The following PCDHGA2 variants were observed in gnomAD, a reference collection of about 807,000 sequenced individuals.
PCDHGA2 encodes protocadherin gamma-A2.
In PCDHGA2, 40 loss-of-function variants were observed where a neutral mutation model predicts 59.2. The observed-to-expected ratio is 0.68, with a 90% confidence interval of 0.52 to 0.88. PCDHGA2 has a LOEUF of 0.88. PCDHGA2 is among the 40% of genes least tolerant of loss of function. The probability of loss-of-function intolerance (pLI) is 0.00; values close to 1 mark genes in which losing one functional copy is unlikely to be tolerated. For missense variants in PCDHGA2, 1,226 were observed against 1,204.0 expected (o/e 1.02, Z -0.27); for synonymous variants, 560 against 526.0 (o/e 1.06, Z -0.89).
Position 141,476,977 on chromosome 5 carries a change from C to A in PCDHGA2, c.2425-17830C>A, listed in dbSNP as rs141692339. On this transcript the variant is annotated intron_variant, in intron 1 of 3. Coordinates refer to ENST00000394576, the MANE Select transcript of PCDHGA2 (RefSeq NM_018915.4). The surrounding 1 kb of genome is among the most constrained non-coding windows in gnomAD (Gnocchi z 7.6). The stretch of plus-strand genomic sequence containing the variant: ...TTATTTACTCCTTCGGCAGCCACAA[C>A]CGCGCCGGCGTGCGGCAACTATTCG... 6.2e-7 allele frequency: 1 copy of A among 1,614,232 alleles called. No individual in the cohort carries two copies. The highest frequency in any genetic ancestry group is 8.5e-7 in the Non-Finnish European group (1 of 1,180,040).
At chr5:141,417,699 C>A (rs2096148616) in intron 1 of PCDHGA2, 1 of 1,164,548 alleles carries the variant, frequency 8.6e-7, no homozygotes, top group Non-Finnish European at 1.2e-6. Context: ...AACCAGCTCC[C>A]ACACAGAGGC....
intron 1 of PCDHGA2, among the ~76,000 whole-genome samples, chr5:141,452,988 T>C (rs2098753680): frequency 6.6e-6 from 1 of 152,228 alleles, no homozygotes; most frequent in Admixed American, 6.5e-5. Context: ...AGTACTGTGC[T>C]GAAAAGTTAC....
At chr5:141,357,201 C>A in intron 1 of PCDHGA2, 1 of 1,613,844 alleles carries the variant, frequency 6.2e-7, no homozygotes, top group Non-Finnish European at 8.5e-7. Context: ...TGGCCGACAG[C>A]ATCCCAGATG....
rs2095058812 is a variant in PCDHGA2 at position 141,408,208 on chromosome 5, A to T, written c.2424+66813A>T. ...AGCGAGAACCCGAGCGAACGATGGGAGGGAGCTGCGCGCAGAGGCGCCGGG... is the reference window on the plus strand; with the variant it reads ...AGCGAGAACCCGAGCGAACGATGGGTGGGAGCTGCGCGCAGAGGCGCCGGG... On this transcript the variant is annotated intron_variant, in intron 1 of 3. Transcript: ENST00000394576. The T allele has an allele frequency of 1.9e-6, 3 of 1,553,236 alleles. No homozygotes were observed. The East Asian group carries it at 7.3e-5, about 38-fold the overall frequency.
intron 1 of PCDHGA2, chr5:141,390,232 C>A: frequency 6.2e-7 from 1 of 1,614,020 alleles, no homozygotes. Context: ...GGTGATTCAT[C>A]TGGGGCCTTA....
Position 141,475,971 on chromosome 5 carries a change from C to G in PCDHGA2, c.2425-18836C>G, listed in dbSNP as rs750016455. On this transcript the variant is annotated intron_variant, in intron 1 of 3. Coordinates refer to ENST00000394576, the MANE Select transcript of PCDHGA2 (RefSeq NM_018915.4). The stretch of plus-strand genomic sequence containing the variant: ...TCTGCGCCCCGGGATGAGGCAGAGA[C>G]TGAACAGCCGGCGAGCAAATCAACG... 2.5e-5 allele frequency: 24 copies of G among 954,292 alleles called. No individual in the cohort carries two copies. In the African/African-American group the frequency reaches 3.4e-4, roughly 14 times the overall value. 59.1% of individuals were successfully genotyped at this position (954,292 alleles called of 1,614,324 possible). A position where few individuals can be genotyped will look rare whatever the true frequency, so the allele number is the denominator to read the frequency against.
At chr5:141,365,131 G>A (rs751303366) in intron 1 of PCDHGA2, 2 of 1,613,854 alleles carry the variant, frequency 1.2e-6, no homozygotes, top group East Asian at 2.2e-5. Flanking sequence ...TAACCGCCAC[G>A]GATCCAGATG....
intron 1 of PCDHGA2, among the ~76,000 whole-genome samples, chr5:141,373,661 A>T (rs766983811): frequency 6.6e-6 from 1 of 152,270 alleles, no homozygotes; most frequent in Non-Finnish European, 1.5e-5. Context: ...AGATATTTTC[A>T]TAAAAATGAA....
At chr5:141,478,329 C>T (rs1295950117) in intron 1 of PCDHGA2, 1 of 1,613,982 alleles carries the variant, frequency 6.2e-7, no homozygotes, top group African/African-American at 1.3e-5. Context: ...TACCGAACAC[C>T]AGGGCCCTCC....
Position 141,340,637 on chromosome 5 carries a change from A to G in PCDHGA2, c.1666A>G (p.Asn556Asp), listed in dbSNP as rs1395922548. The G allele has an allele frequency of 6.2e-7, 1 of 1,614,170 alleles. No individual in the cohort carries two copies. Among genetic ancestry groups the G allele is most frequent in the South Asian group, 1.1e-5 (1 of 91,078 alleles). The change falls in exon 1 of 4, where the codon AAC (asparagine) becomes GAC (aspartate). Residue 556 changes from asparagine (N) to aspartate (D), a missense_variant. Asn to Asp is a conservative substitution (Grantham distance 23). Transcript: ENST00000394576. ...ATTAAGCCTGTTCGTGCTGGACCAGAACGACAACGCGCCCGAGATCCTGTA... is the reference window on the plus strand; with the variant it reads ...ATTAAGCCTGTTCGTGCTGGACCAGGACGACAACGCGCCCGAGATCCTGTA... ...VSLSLFVLDQ[N>D]DNAPEILYPA...
intron 1 of PCDHGA2, chr5:141,360,898 G>A (rs1252117170): frequency 6.2e-7 from 1 of 1,614,040 alleles, no homozygotes; most frequent in Non-Finnish European, 8.5e-7. Flanking sequence ...GAGGGAGGAC[G>A]TGCCGCCGGG....
At chr5:141,453,521 T>A (rs1311886024) in intron 1 of PCDHGA2, among the ~76,000 whole-genome samples, 2 of 152,148 alleles carry the variant, frequency 1.3e-5, no homozygotes, top group Non-Finnish European at 2.9e-5. Flanking sequence ...TCCTCCCCTA[T>A]ACCTTCTGCC....
At position 141,339,972 on chromosome 5, in the gene PCDHGA2, T is replaced by G; in HGVS notation, c.1001T>G (p.Ile334Ser). 1.2e-6 allele frequency: 2 copies of G among 1,614,166 alleles called. No homozygotes were observed. Among genetic ancestry groups the G allele is most frequent in the Non-Finnish European group, 1.7e-6 (2 of 1,180,004 alleles). The change falls in exon 1 of 4, where the codon ATC becomes AGC. Residue 334 changes from isoleucine to serine, a missense_variant. Physicochemically the swap from Ile to Ser is moderately radical, Grantham distance 142. Coordinates refer to ENST00000394576, the MANE Select transcript of PCDHGA2 (RefSeq NM_018915.4). The part of the protein sequence containing the change: ...GPGLLTRAKV[I>S]VTVLDVNDNA... The stretch of plus-strand genomic sequence containing the variant: ...GGCCTTCTAACCAGAGCGAAGGTTA[T>G]CGTCACGGTTCTGGATGTGAATGAC...
Position 141,450,006 on chromosome 5 carries a change from C to CTATTTTTT in PCDHGA2, c.2425-44800_2425-44799insATTTTTTT, listed in dbSNP as rs70988802. Among the ~76,000 whole-genome samples the CTATTTTTT allele has an allele frequency of 4.4e-4, 58 of 132,942 alleles. 2 individuals carry two copies. The highest frequency in any genetic ancestry group is 8.4e-4 in the African/African-American group (30 of 35,608). The allele number at this position is 132,942 out of a possible 152,430, so 87.2% of individuals were successfully genotyped here. A position where few individuals can be genotyped will look rare whatever the true frequency, so the allele number is the denominator to read the frequency against. ...CACATTGCATTTAGTTGCCATGTCT[C>CTATTTTTT]TTTTTTTTTTTTTTTTTTGAGACAG... On this transcript the variant is annotated intron_variant, in intron 1 of 3. Coordinates refer to ENST00000394576, the MANE Select transcript of PCDHGA2 (RefSeq NM_018915.4).
chr5:141,396,860 T>C (rs1273570477), intron 1 of PCDHGA2, among the ~76,000 whole-genome samples: 1 of 152,230 alleles, frequency 6.6e-6, no homozygotes, highest in African/African-American at 2.4e-5. Flanking sequence ...ATAGTTTGTG[T>C]ACCATTTGGA....
chr5:141,382,965 C>T, intron 1 of PCDHGA2: 1 of 1,608,730 alleles, frequency 6.2e-7, no homozygotes, highest in East Asian at 2.2e-5. Flanking sequence ...TCCTGGGGAC[C>T]CCCTGGGAAG....
intron 1 of PCDHGA2, chr5:141,344,124 A>G (rs756088193): frequency 9.3e-6 from 15 of 1,613,910 alleles, no homozygotes; most frequent in Non-Finnish European, 1.1e-5. Flanking sequence ...ATCCGGTCAG[A>G]TCCGCTACTC....
chr5:141,432,084 T>A lies in PCDHGA2; in HGVS notation c.2425-62723T>A, dbSNP rs1372151428. 1.2e-6 allele frequency: 2 copies of A among 1,614,186 alleles called. No individual in the cohort carries two copies. Among genetic ancestry groups the A allele is most frequent in the Admixed American group, 1.7e-5 (1 of 60,022 alleles). On this transcript the variant is annotated intron_variant, in intron 1 of 3. Transcript: ENST00000394576. This position sits in a 1 kb window ranked among gnomAD's most constrained non-coding sequence, Gnocchi z 6.0. Reference sequence around the variant, plus strand: ...ACGGAAACTCATATCTCGCTGAACGTGGCAGACACCAACGACAACCCGCCG... The same window carrying A: ...ACGGAAACTCATATCTCGCTGAACGAGGCAGACACCAACGACAACCCGCCG...
At chr5:141,466,004 C>T (rs1336655723) in intron 1 of PCDHGA2, among the ~76,000 whole-genome samples, 1 of 151,920 alleles carries the variant, frequency 6.6e-6, no homozygotes, top group Non-Finnish European at 1.5e-5. Flanking sequence ...CACCTGTAGT[C>T]CCAGCTACTC....
Sources: gnomAD v4.1 joint callset for allele counts (sites outside exome capture counted in the v4.1 genomes callset) on GRCh38, gnomAD v4.1.1 for gene constraint, Gnocchi (gnomAD v3.1) non-coding constraint, MANE v1.5 for transcripts, NCBI Gene and HGNC (gene_info 2026-07-23, HGNC 2026-07-21) for gene names.